The following SNAPC4 variants were observed in gnomAD, a reference collection of about 807,000 sequenced individuals.
SNAPC4 encodes the protein snRNA-activating protein complex subunit 4.
Under a neutral mutation model 151.3 loss-of-function variants are expected in SNAPC4, and 127 were observed. The ratio of observed to expected loss-of-function variants is 0.84; its 90% confidence interval spans 0.73 to 0.97. SNAPC4 has a LOEUF of 0.97. SNAPC4 is among the 50% of genes least tolerant of loss of function. The pLI is 0.00. For synonymous variants in SNAPC4, 1,002 were observed against 824.4 expected (o/e 1.22, Z -3.69); for missense variants, 2,186 against 1,935.0 (o/e 1.13, Z -2.43).
chr9:136,383,429 G>T lies in SNAPC4; in HGVS notation c.1740C>A (p.Ser580Arg). ...CCCCTGCCCCTCCTCTCCATGGCTGGCTGGTGCTCTGCCTGGCAGGAACCC... is the reference window on the plus strand; with the variant it reads ...CCCCTGCCCCTCCTCTCCATGGCTGTCTGGTGCTCTGCCTGGCAGGAACCC... ...DLWVPARQST[S>R]QPWRGGAGAW... Residue 580 changes from serine (S) to arginine (R), a missense_variant, in exon 16 of 24, where the codon AGC becomes AGA. Coordinates refer to ENST00000684778, the MANE Select transcript of SNAPC4 (RefSeq NM_003086.4). This position sits in a 1 kb window ranked among gnomAD's most constrained non-coding sequence, Gnocchi z 4.2. 1 of 1,564,908 alleles carries T rather than the reference G, an allele frequency of 6.4e-7. No individual in the cohort carries two copies.
Position 136,398,290 on chromosome 9 carries a change from G to C in SNAPC4, c.130+9C>G, listed in dbSNP as rs760157280. 6.2e-7 allele frequency: 1 copy of C among 1,610,318 alleles called. No individual in the cohort carries two copies. The highest frequency in any genetic ancestry group is 1.7e-5 in the Admixed American group (1 of 59,916). ...CAGGACCCCAGGAGGCTAGGTACAA[G>C]GGGCTTACCTGCTTCAGAATCTGAC... is the stretch of plus-strand genomic sequence containing the variant. On this transcript the variant is annotated intron_variant, in intron 2 of 23. Coordinates refer to ENST00000684778, the MANE Select transcript of SNAPC4 (RefSeq NM_003086.4).
At chr9:136,389,748 T>A (rs1285957115) in intron 10 of SNAPC4, among the ~76,000 whole-genome samples, 1 of 151,750 alleles carries the variant, frequency 6.6e-6, no homozygotes. Context: ...GGCAAAGGAC[T>A]GGGGGGTGGG....
rs1326160470 is a variant in SNAPC4, at chr9:136,395,368, T to C, written c.401A>G (p.Lys134Arg). The change falls in exon 5 of 24, where the codon AAA (lysine) becomes AGA (arginine). Residue 134 changes from lysine to arginine, a missense_variant. Transcript: ENST00000684778. ...GSKGTKVKDG[K>R]SLPPSTYMGH... Reference sequence around the variant, plus strand: ...CATGTATGTGCTTGGGGGCAGGCTTTTGCCATCTTTCACCTTGGTGCCTTT... The same window carrying C: ...CATGTATGTGCTTGGGGGCAGGCTTCTGCCATCTTTCACCTTGGTGCCTTT... 6.8e-6 allele frequency: 11 copies of C among 1,613,644 alleles called. No individual in the cohort carries two copies. Among genetic ancestry groups the C allele is most frequent in the South Asian group, 1.1e-5 (1 of 91,082 alleles).
chr9:136,390,992 G>A (rs1164832879), intron 10 of SNAPC4, among the ~76,000 whole-genome samples: 1 of 152,088 alleles, frequency 6.6e-6, no homozygotes, highest in East Asian at 1.9e-4. Flanking sequence ...CCGCCACCAC[G>A]CCCGGCTAAT....
At chr9:136,394,167 G>C in intron 7 of SNAPC4, 82 bp downstream of exon 7, 2 of 1,101,246 alleles carry the variant, frequency 1.8e-6, no homozygotes, top group Non-Finnish European at 2.8e-6. Context: ...CTCCTGCCTT[G>C]GCCTCCCAAA....
intron 7 of SNAPC4, among the ~76,000 whole-genome samples, chr9:136,393,891 C>G (rs1281958033): frequency 1.3e-5 from 2 of 152,236 alleles, no homozygotes; most frequent in Non-Finnish European, 2.9e-5. Flanking sequence ...ACCAACCAGC[C>G]TTGGCTTTTC....
rs1833681086 is a variant in SNAPC4 at position 136,381,303 on chromosome 9, C to G, written c.2388+19G>C. 1 of 1,601,402 alleles carries G rather than the reference C, an allele frequency of 6.2e-7. No homozygotes were observed. On this transcript the variant is annotated intron_variant, in intron 19 of 23. Coordinates refer to ENST00000684778, the MANE Select transcript of SNAPC4 (RefSeq NM_003086.4). ...TTTTACAAGGCAAAGGAAAACGAAG[C>G]TCTGCCCAAGTAGCTTACCTGGGTA...
chr9:136,392,423 C>T (rs1834110483), intron 9 of SNAPC4, 99 bp downstream of exon 9: 1 of 1,196,850 alleles, frequency 8.4e-7, no homozygotes, highest in Non-Finnish European at 1.2e-6. Flanking sequence ...GAACCTGTTG[C>T]CAGGGAGGGT....
At position 136,383,487 on chromosome 9, in the gene SNAPC4, G is replaced by A; in HGVS notation, c.1682C>T (p.Ser561Phe). Residue 561 changes from serine to phenylalanine, a missense_variant, in exon 16 of 24, where the codon TCC becomes TTC. Physicochemically the swap from Ser to Phe is radical, Grantham distance 155. Transcript: ENST00000684778. The surrounding 1 kb of genome is among the most constrained non-coding windows in gnomAD (Gnocchi z 4.2). ...CATGTCCGGGACCATGTACTGTGGG[G>A]ACAGCAGCGCTCTGTCACCCTCCCC... ...QAGEGDRALLSPQYMVPDMDL... is the reference protein window; with the variant it reads ...QAGEGDRALLFPQYMVPDMDL... 6.4e-7 allele frequency: 1 copy of A among 1,568,716 alleles called. No homozygotes were observed. Among genetic ancestry groups the A allele is most frequent in the South Asian group, 1.2e-5 (1 of 86,600 alleles).
chr9:136,376,412 C>T lies in SNAPC4; in HGVS notation c.4354G>A (p.Asp1452Asn). The T allele has an allele frequency of 6.2e-7, 1 of 1,613,508 alleles. No individual in the cohort carries two copies. Among genetic ancestry groups the T allele is most frequent in the Non-Finnish European group, 8.5e-7 (1 of 1,179,960 alleles). Residue 1452 changes from aspartate to asparagine, a missense_variant, in exon 23 of 24, where the codon GAC becomes AAC. Asp to Asn is a conservative substitution (Grantham distance 23). Coordinates refer to ENST00000684778, the MANE Select transcript of SNAPC4 (RefSeq NM_003086.4). ...LDTSNDPDDL[D>N]VLRTRHARHT... ...CTGGCATGCCGGGTTCTGAGCACGT[C>T]CAGGTCGTCAGGGTCATTAGAAGTA...
chr9:136,382,355 G>A lies in SNAPC4; in HGVS notation c.1984-19C>T, dbSNP rs1277936152. 2 of 1,611,110 alleles carry A rather than the reference G, an allele frequency of 1.2e-6. No homozygotes were observed. The highest frequency in any genetic ancestry group is 1.3e-5 in the African/African-American group (1 of 75,002). On this transcript the variant is annotated intron_variant, in intron 16 of 23. Transcript: ENST00000684778. ...TCCCACCCTGATGAGAAAGCTGCCT[G>A]AGGCGAGGCACGCGGGGTGTACGGG...
chr9:136,394,470 C>T (rs545426280), intron 6 of SNAPC4, 140 bp from the exon 7 acceptor site: 1 of 750,232 alleles, frequency 1.3e-6, no homozygotes, highest in African/African-American at 1.7e-5. Context: ...CTGACGTGGC[C>T]CCTCCACCCA....
At position 136,375,609 on chromosome 9, in the gene SNAPC4, A is replaced by G. The variant is rs1474384453; in HGVS notation, c.*199T>C. ...TTAAAAACAGAACTTTATTCCTCCA[A>G]GTGTTCAGGTGTGCACTTGGGGAAC... On this transcript the variant is annotated 3_prime_UTR_variant, in exon 24 of 24. Transcript: ENST00000684778. 6.6e-6 allele frequency: 1 copy of G among 152,388 alleles called. No homozygotes were observed. The highest frequency in any genetic ancestry group is 1.9e-4 in the East Asian group (1 of 5,224). 9.4% of individuals were successfully genotyped at this position (152,388 alleles called of 1,614,324 possible). A position where few individuals can be genotyped will look rare whatever the true frequency, so the allele number is the denominator to read the frequency against.
At chr9:136,386,123 C>T (rs540620123) in intron 13 of SNAPC4, among the ~76,000 whole-genome samples, 1 of 151,008 alleles carries the variant, frequency 6.6e-6, no homozygotes, top group African/African-American at 2.4e-5. Context: ...TTCAATTTCT[C>T]GACATCCTTG....
At chr9:136,376,855 G>A (rs942138432) in intron 22 of SNAPC4, among the ~76,000 whole-genome samples, 3 of 152,178 alleles carry the variant, frequency 2.0e-5, no homozygotes, top group African/African-American at 4.8e-5. Flanking sequence ...AGGGACTTGC[G>A]AGACACAACC....
intron 1 of SNAPC4, among the ~76,000 whole-genome samples, chr9:136,399,731 C>A (rs1299341428): frequency 6.6e-6 from 1 of 152,200 alleles, no homozygotes; most frequent in South Asian, 2.1e-4. Context: ...GGACGATGGG[C>A]GTTTAGGCAC....
At chr9:136,395,917 G>T in intron 3 of SNAPC4, 147 bp from the exon 4 acceptor site, 1 of 787,672 alleles carries the variant, frequency 1.3e-6, no homozygotes. Flanking sequence ...AAGTGACCCT[G>T]GTGGGCAGCG....
chr9:136,377,851 G>C lies in SNAPC4; in HGVS notation c.3976C>G (p.His1326Asp). ...CCCACCACCAGGGAGGTGGCCTTGT[G>C]CTCCAGGGCCTTCTTGTGGAGTAGG... ...GLLLHKKALE[H>D]KATSLVVGGE... Residue 1326 changes from histidine to aspartate, a missense_variant, in exon 22 of 24, where the codon CAC (histidine) becomes GAC (aspartate). Physicochemically the swap from His to Asp is moderately conservative, Grantham distance 81. Coordinates refer to ENST00000684778, the MANE Select transcript of SNAPC4 (RefSeq NM_003086.4). The C allele has an allele frequency of 6.2e-7, 1 of 1,611,486 alleles. No homozygotes were observed. Among genetic ancestry groups the C allele is most frequent in the Non-Finnish European group, 8.5e-7 (1 of 1,179,818 alleles).
chr9:136,383,334 TTGC>T lies in SNAPC4; in HGVS notation c.1832_1834del (p.Ser611del). ...AGCCGCGGCTGTGGTGGAAGCTTCCTTGCTGCCGCCCTGGCTGGCACTGGACCC... is the reference window on the plus strand; with the variant it reads ...AGCCGCGGCTGTGGTGGAAGCTTCCTTGCCGCCCTGGCTGGCACTGGACCC... On this transcript the variant is annotated inframe_deletion, in exon 16 of 24. Transcript: ENST00000684778. This position sits in a 1 kb window ranked among gnomAD's most constrained non-coding sequence, Gnocchi z 4.2. 6.2e-7 allele frequency: 1 copy of T among 1,610,752 alleles called. No individual in the cohort carries two copies. Among genetic ancestry groups the T allele is most frequent in the African/African-American group, 1.3e-5 (1 of 74,980 alleles).
Sources: gnomAD v4.1 joint callset for allele counts (sites outside exome capture counted in the v4.1 genomes callset) on GRCh38, gnomAD v4.1.1 for gene constraint, Gnocchi (gnomAD v3.1) non-coding constraint, MANE v1.5 for transcripts, NCBI Gene and HGNC (gene_info 2026-07-23, HGNC 2026-07-21) for gene names.